The following EFCAB5 variants were observed in gnomAD, a reference collection of about 807,000 sequenced individuals.
EFCAB5 encodes EF-hand calcium binding domain 5, also known as EF-hand calcium-binding domain-containing protein 5.
Under a neutral mutation model 167.9 loss-of-function variants are expected in EFCAB5, and 131 were observed. That is an observed-to-expected ratio of 0.78 (90% CI 0.68 to 0.90). The LOEUF (loss-of-function observed/expected upper bound fraction) is 0.90, where lower values mean the gene tolerates loss of function less well. EFCAB5 is among the 40% of genes least tolerant of loss of function. The pLI is 0.00. For synonymous variants in EFCAB5, 574 were observed against 602.8 expected (o/e 0.95, Z 0.70); for missense variants, 1,663 against 1,745.2 (o/e 0.95, Z 0.84).
intron 22 of EFCAB5, among the ~76,000 whole-genome samples, chr17:30,104,790 A>G (rs982251001): frequency 2.0e-5 from 3 of 152,140 alleles, no homozygotes; most frequent in African/African-American, 7.2e-5. Context: ...AGGACAGGGA[A>G]ACAGGAACCA....
chr17:29,996,045 A>G (rs1180067971), intron 5 of EFCAB5, among the ~76,000 whole-genome samples: 2 of 152,236 alleles, frequency 1.3e-5, no homozygotes, highest in African/African-American at 2.4e-5. Flanking sequence ...TTGTTCAGAC[A>G]TAACAAGTTA....
At chr17:30,068,994 A>T in intron 14 of EFCAB5, 1 of 1,446,806 alleles carries the variant, frequency 6.9e-7, no homozygotes, top group Admixed American at 1.7e-5. Flanking sequence ...ACAAGGAGAT[A>T]CATTCCCAGC....
intron 3 of EFCAB5, among the ~76,000 whole-genome samples, chr17:29,956,324 C>T (rs974891462): frequency 6.6e-6 from 1 of 152,094 alleles, no homozygotes; most frequent in African/African-American, 2.4e-5. Flanking sequence ...CTTCCAGAAC[C>T]AGAAAAGGAT....
At chr17:30,037,934 G>C (rs2069669701) in intron 8 of EFCAB5, among the ~76,000 whole-genome samples, 1 of 151,924 alleles carries the variant, frequency 6.6e-6, no homozygotes, top group Admixed American at 6.6e-5. Context: ...CCCTAGAAAG[G>C]GTTATTAATT....
chr17:30,073,831 C>T (rs1271776619), intron 14 of EFCAB5: 2 of 439,532 alleles, frequency 4.6e-6, no homozygotes, highest in Non-Finnish European at 8.5e-6. Flanking sequence ...GAGGCAGAGG[C>T]AGGAAGATTG....
rs906041019 is a variant in EFCAB5 at position 29,955,535 on chromosome 17, AT to A, written c.190+11896del. On this transcript the variant is annotated intron_variant, in intron 3 of 22. Transcript: ENST00000394835. ...GCCACGTGGAACTGTGAGTCCCTTA[AT>A]TTTTTTTTTCTTTATAAATTACCCA... Among the ~76,000 whole-genome samples the A allele has an allele frequency of 2.0e-3, 300 of 150,208 alleles. 2 individuals carry two copies. The highest frequency in any genetic ancestry group is 6.8e-3 in the Middle Eastern group (2 of 292).
At chr17:29,988,035 G>A (rs2068326834) in intron 4 of EFCAB5, among the ~76,000 whole-genome samples, 1 of 152,202 alleles carries the variant, frequency 6.6e-6, no homozygotes, top group African/African-American at 2.4e-5. Flanking sequence ...TTGGCAAGTT[G>A]GGCATCGCTG....
chr17:30,030,503 C>CT (rs1474977080), intron 7 of EFCAB5, among the ~76,000 whole-genome samples: 1 of 152,116 alleles, frequency 6.6e-6, no homozygotes, highest in Admixed American at 6.6e-5. Context: ...ACCATTATGC[C>CT]TGGCTAATTT....
chr17:29,973,473 CT>C (rs1236427371), intron 4 of EFCAB5, among the ~76,000 whole-genome samples: 1 of 148,738 alleles, frequency 6.7e-6, no homozygotes, highest in Non-Finnish European at 1.5e-5. Flanking sequence ...TTTATATTTC[CT>C]TTTTCCTTTT....
At chr17:30,104,820 GCTTCTGTCTCGGTAA>G (rs1200118282) in intron 22 of EFCAB5, among the ~76,000 whole-genome samples, 1 of 152,148 alleles carries the variant, frequency 6.6e-6, no homozygotes, top group African/African-American at 2.4e-5. Context: ...CACTTTCGGA[GCTTCTGTCTCGGTAA>G]CAATAACACA....
intron 18 of EFCAB5, among the ~76,000 whole-genome samples, chr17:30,083,733 C>T (rs1399056740): frequency 6.6e-6 from 1 of 152,164 alleles, no homozygotes; most frequent in Non-Finnish European, 1.5e-5. Context: ...GAATTACAGG[C>T]GTGAGCCACA....
intron 1 of EFCAB5, among the ~76,000 whole-genome samples, chr17:29,935,024 CA>C (rs200614770): frequency 2.0e-5 from 3 of 149,314 alleles, no homozygotes; most frequent in East Asian, 3.9e-4. Context: ...AAAAGTGAGT[CA>C]AAAAAAAAGA....
chr17:30,085,715 G>C (rs574687470), intron 18 of EFCAB5, among the ~76,000 whole-genome samples: 2 of 75,568 alleles, frequency 2.6e-5, no homozygotes, highest in Non-Finnish European at 4.9e-5. Flanking sequence ...GCGAGACTCC[G>C]TCTCAAAAAA....
chr17:29,997,972 TAG>T (rs1477382130), intron 6 of EFCAB5, among the ~76,000 whole-genome samples: 5 of 151,942 alleles, frequency 3.3e-5, no homozygotes, highest in Non-Finnish European at 7.4e-5. Flanking sequence ...CCATAGGAAC[TAG>T]AGTTTGGGTC....
intron 3 of EFCAB5, among the ~76,000 whole-genome samples, chr17:29,965,366 A>G (rs1311949522): frequency 6.6e-6 from 1 of 151,992 alleles, no homozygotes; most frequent in East Asian, 1.9e-4. Flanking sequence ...TTCTAACTTC[A>G]TCAAGCTTTG....
chr17:30,088,182 C>CT (rs1418042461), intron 19 of EFCAB5, among the ~76,000 whole-genome samples: 3 of 152,132 alleles, frequency 2.0e-5, no homozygotes, highest in Non-Finnish European at 2.9e-5. Flanking sequence ...GAGTGCAGTG[C>CT]TATGATCTTA....
intron 7 of EFCAB5, among the ~76,000 whole-genome samples, chr17:30,032,384 C>G (rs144565015): frequency 1.3e-5 from 2 of 152,220 alleles, no homozygotes; most frequent in African/African-American, 4.8e-5. Context: ...TGAAGGGTGG[C>G]AAAATATGCT....
chr17:30,045,092 G>A (rs1157198997), intron 8 of EFCAB5, among the ~76,000 whole-genome samples: 1 of 152,128 alleles, frequency 6.6e-6, no homozygotes, highest in Admixed American at 6.5e-5. Flanking sequence ...ATAGAAAAAG[G>A]AAAAGTAATT....
intron 4 of EFCAB5, among the ~76,000 whole-genome samples, chr17:29,970,670 A>ACACACACACACG (rs2067933872): frequency 1.6e-5 from 2 of 124,646 alleles, no homozygotes; most frequent in African/African-American, 8.5e-5. Flanking sequence ...ACACACACAT[A>ACACACACACACG]CACACACACA....
Sources: gnomAD v4.1 joint callset for allele counts (sites outside exome capture counted in the v4.1 genomes callset) on GRCh38, gnomAD v4.1.1 for gene constraint, MANE v1.5 for transcripts, NCBI Gene and HGNC (gene_info 2026-07-23, HGNC 2026-07-21) for gene names.